CDKAL1: variants seen among roughly 807,000 people sequenced by gnomAD.
The protein encoded by CDKAL1 is CDKAL1 threonylcarbamoyladenosine tRNA methylthiotransferase, also known as threonylcarbamoyladenosine tRNA methylthiotransferase.
A neutral mutation model predicts 68.2 loss-of-function variants in CDKAL1; 32 were observed. That is an observed-to-expected ratio of 0.47 (90% confidence interval 0.35 to 0.63). The LOEUF is 0.63. CDKAL1 is among the 30% of genes least tolerant of loss of function. CDKAL1 has a pLI of 0.00. For missense variants in CDKAL1, 606 were observed against 696.7 expected (o/e 0.87, Z 1.47); for synonymous variants, 234 against 244.3 (o/e 0.96, Z 0.39).
At chr6:20,639,166 A>T (rs1418475077) in intron 4 of CDKAL1, among the ~76,000 whole-genome samples, 2 of 152,188 alleles carry the variant, frequency 1.3e-5, no homozygotes, top group Non-Finnish European at 2.9e-5. Context: ...TTTTTCATTT[A>T]AAAGAAAAAA....
chr6:20,917,255 A>G (rs1762762368), intron 9 of CDKAL1, among the ~76,000 whole-genome samples: 1 of 152,182 alleles, frequency 6.6e-6, no homozygotes, highest in African/African-American at 2.4e-5. Context: ...TGCTGGGATT[A>G]CAGACATGAG....
chr6:20,720,571 A>T (rs1040232725), intron 5 of CDKAL1, among the ~76,000 whole-genome samples: 2 of 151,044 alleles, frequency 1.3e-5, no homozygotes, highest in Middle Eastern at 3.4e-3. Flanking sequence ...CAGTGGTGTG[A>T]TCTCGGCTCA....
chr6:21,205,778 G>A lies in CDKAL1; in HGVS notation c.1548+4504G>A, dbSNP rs374259619. Among the ~76,000 whole-genome samples the A allele has an allele frequency of 1.1e-4, 16 of 146,390 alleles. 1 individual carries two copies. Among genetic ancestry groups the A allele is most frequent in the East Asian group, 8.2e-4 (4 of 4,882 alleles). On this transcript the variant is annotated intron_variant, in intron 15 of 15. Transcript: ENST00000274695. ...GATCTCCTGACCTCGTGATCTGCCC[G>A]CCTTGGCCTCCCAAAGTGCTGGGAT...
rs191026801 is a variant in CDKAL1, at chr6:21,063,336, T to C, written c.1056-1712T>C. Among the ~76,000 whole-genome samples the C allele has an allele frequency of 1.6e-4, 25 of 152,354 alleles. No homozygotes were observed. The East Asian group carries it at 4.8e-3, about 29-fold the overall frequency. On this transcript the variant is annotated intron_variant, in intron 11 of 15. Coordinates refer to ENST00000274695, the MANE Select transcript of CDKAL1 (RefSeq NM_017774.3). The stretch of plus-strand genomic sequence containing the variant: ...AAATAAGTTAATGTAATTCTGTTAT[T>C]GTTATACTATTAAAATAGAACAACG...
chr6:20,998,629 A>G (rs1260521449), intron 10 of CDKAL1, among the ~76,000 whole-genome samples: 1 of 151,994 alleles, frequency 6.6e-6, no homozygotes, highest in Non-Finnish European at 1.5e-5. Context: ...AAAAAAGAAA[A>G]AAAAAAAAAG....
chr6:20,887,324 T>G (rs1352880133), intron 9 of CDKAL1, among the ~76,000 whole-genome samples: 2 of 152,178 alleles, frequency 1.3e-5, no homozygotes, highest in Non-Finnish European at 2.9e-5. Context: ...ACTCATTTAC[T>G]AAGAGAAATT....
intron 13 of CDKAL1, among the ~76,000 whole-genome samples, chr6:21,161,388 CAA>C (rs1776920079): frequency 6.6e-6 from 1 of 152,128 alleles, no homozygotes; most frequent in Non-Finnish European, 1.5e-5. Context: ...TATAGAAAAA[CAA>C]TATTGAATGG....
At chr6:20,933,932 T>C (rs1763584326) in intron 9 of CDKAL1, among the ~76,000 whole-genome samples, 1 of 151,956 alleles carries the variant, frequency 6.6e-6, no homozygotes, top group South Asian at 2.1e-4. Context: ...ATCTTTTTTT[T>C]TTTTTTAAAT....
intron 6 of CDKAL1, among the ~76,000 whole-genome samples, chr6:20,750,244 T>A (rs546886819): frequency 1.5e-3 from 233 of 152,172 alleles, no homozygotes; most frequent in Non-Finnish European, 2.8e-3. Context: ...CATGGCTAAT[T>A]TTTTGTTTCT....
At chr6:20,614,542 A>G (rs557854102) in intron 4 of CDKAL1, among the ~76,000 whole-genome samples, 17 of 152,180 alleles carry the variant, frequency 1.1e-4, no homozygotes, top group Non-Finnish European at 2.2e-4. Context: ...TCTCATATTT[A>G]AGAGTTATGT....
intron 9 of CDKAL1, among the ~76,000 whole-genome samples, chr6:20,935,191 G>A (rs977159265): frequency 6.6e-6 from 1 of 152,130 alleles, no homozygotes; most frequent in East Asian, 1.9e-4. Context: ...ACCATGCCTG[G>A]CCTGTACATA....
At chr6:21,063,896 A>G (rs1286488874) in intron 11 of CDKAL1, among the ~76,000 whole-genome samples, 2 of 152,160 alleles carry the variant, frequency 1.3e-5, no homozygotes, top group African/African-American at 4.8e-5. Flanking sequence ...AAACTTCCTC[A>G]ACCTAAAGCC....
intron 9 of CDKAL1, among the ~76,000 whole-genome samples, chr6:20,951,753 A>T (rs1248676426): frequency 6.6e-6 from 1 of 152,198 alleles, no homozygotes; most frequent in South Asian, 2.1e-4. Context: ...TGGGAAAACG[A>T]AAACAAGTCA....
intron 9 of CDKAL1, among the ~76,000 whole-genome samples, chr6:20,910,469 T>C (rs1292094605): frequency 1.3e-5 from 2 of 152,220 alleles, no homozygotes; most frequent in African/African-American, 4.8e-5. Flanking sequence ...CAACCTTTCC[T>C]GTGGAGAAAA....
At chr6:21,048,224 A>G (rs1770352346) in intron 11 of CDKAL1, among the ~76,000 whole-genome samples, 1 of 152,218 alleles carries the variant, frequency 6.6e-6, no homozygotes, top group African/African-American at 2.4e-5. Flanking sequence ...TATGAAATGA[A>G]TGAGTGTAGC....
intron 11 of CDKAL1, among the ~76,000 whole-genome samples, chr6:21,055,419 G>A (rs1770775529): frequency 6.6e-6 from 1 of 151,864 alleles, no homozygotes; most frequent in Non-Finnish European, 1.5e-5. Context: ...TGTGCAGGAT[G>A]TGCAGGTTTA....
chr6:20,565,725 G>T (rs13203450), intron 4 of CDKAL1, among the ~76,000 whole-genome samples: 25,340 of 151,930 alleles, frequency 0.17, 2,539 homozygotes, highest in African/African-American at 0.28. Flanking sequence ...TTTGACAGTG[G>T]TTCTGTGAGC....
At chr6:20,758,221 T>C (rs1272802045) in intron 6 of CDKAL1, among the ~76,000 whole-genome samples, 1 of 152,194 alleles carries the variant, frequency 6.6e-6, no homozygotes, top group Non-Finnish European at 1.5e-5. Flanking sequence ...TCTTTTTGTG[T>C]AGCTTGTCGT....
rs1778683729 is a variant in CDKAL1, at chr6:21,201,332, CA to C, written c.1548+59del. 3.4e-5 allele frequency: 49 copies of C among 1,430,928 alleles called. 2 individuals carry two copies. The South Asian group carries it at 6.3e-4, about 18-fold the overall frequency. 88.6% of individuals were successfully genotyped at this position (1,430,928 alleles called of 1,614,324 possible). On this transcript the variant is annotated intron_variant, in intron 15 of 15. Coordinates refer to ENST00000274695, the MANE Select transcript of CDKAL1 (RefSeq NM_017774.3). Reference sequence around the variant, plus strand: ...TAGTAAAACAGCAGCTGTGGAAGCACAGTGATTCCAGGCCATGTTTCTGTTA... The same window carrying C: ...TAGTAAAACAGCAGCTGTGGAAGCACGTGATTCCAGGCCATGTTTCTGTTA...
Sources: gnomAD v4.1 joint callset for allele counts (sites outside exome capture counted in the v4.1 genomes callset) on GRCh38, gnomAD v4.1.1 for gene constraint, MANE v1.5 for transcripts, NCBI Gene and HGNC (gene_info 2026-07-23, HGNC 2026-07-21) for gene names.